The following KATNIP variants were observed in gnomAD, a reference collection of about 807,000 sequenced individuals.
The protein encoded by KATNIP is katanin interacting protein, also known as katanin-interacting protein.
Under a neutral mutation model 174.0 loss-of-function variants are expected in KATNIP, and 126 were observed. The ratio of observed to expected loss-of-function variants is 0.72; its 90% CI spans 0.63 to 0.84. KATNIP has a LOEUF of 0.84. Among genes scored for constraint, KATNIP ranks in the 40% least tolerant of loss-of-function variants. The pLI, the probability that KATNIP is intolerant of heterozygous loss-of-function variation, is 0.00. For missense variants in KATNIP, 1,958 were observed against 2,109.7 expected, an observed-to-expected ratio of 0.93 and a Z score of 1.41; for synonymous variants, 810 against 835.7, an observed-to-expected ratio of 0.97 and a Z score of 0.53.
intron 14 of KATNIP, among the ~76,000 whole-genome samples, chr16:27,723,362 C>T (rs1028677439): frequency 5.3e-5 from 8 of 151,958 alleles, no homozygotes; most frequent in African/African-American, 1.9e-4. Context: ...TAGCAGTGAT[C>T]CCTTTATCCC....
intron 5 of KATNIP, among the ~76,000 whole-genome samples, chr16:27,636,582 G>A (rs1365434173): frequency 6.6e-6 from 1 of 151,422 alleles, no homozygotes; most frequent in Non-Finnish European, 1.5e-5. Context: ...TCTCTGAGCT[G>A]TGTGCCCTGG....
intron 5 of KATNIP, among the ~76,000 whole-genome samples, chr16:27,647,446 A>G (rs756467750): frequency 2.0e-5 from 3 of 151,492 alleles, no homozygotes; most frequent in Non-Finnish European, 2.9e-5. Context: ...GGCTCAAGCA[A>G]TCCCCCCACC....
chr16:27,763,619 C>CAAAAAA (rs565418198), intron 19 of KATNIP, among the ~76,000 whole-genome samples: 16 of 50,564 alleles, frequency 3.2e-4, no homozygotes, highest in East Asian at 6.4e-4. Context: ...TGTCTCAACA[C>CAAAAAA]AAAAAAAAAA....
In KATNIP at chr16:27,720,525, C is replaced by T. The variant is rs1372818208; in HGVS notation, c.1606-1033C>T. ...TTTTTTTTTTTTTTTTGGCATCTTC[C>T]ATGTGCCAAGGAACTATGCTAAAAG... On this transcript the variant is annotated intron_variant, in intron 13 of 27. Coordinates refer to ENST00000261588, the MANE Select transcript of KATNIP (RefSeq NM_015202.5). Among the ~76,000 whole-genome samples, 5 of 136,500 alleles carry T rather than the reference C, an allele frequency of 3.7e-5. No homozygotes were observed. In the South Asian group the frequency reaches 6.7e-4, roughly 18 times the overall value. 89.5% of individuals were successfully genotyped at this position (136,500 alleles called of 152,430 possible). A position where few individuals can be genotyped will look rare whatever the true frequency, so the allele number is the denominator to read the frequency against.
intron 13 of KATNIP, among the ~76,000 whole-genome samples, chr16:27,720,041 C>A (rs1257172245): frequency 6.6e-6 from 1 of 152,138 alleles, no homozygotes; most frequent in Non-Finnish European, 1.5e-5. Flanking sequence ...TTGTTGTTTA[C>A]ACTGGATGAA....
At chr16:27,594,191 C>T (rs186051205) in intron 2 of KATNIP, among the ~76,000 whole-genome samples, 2 of 152,058 alleles carry the variant, frequency 1.3e-5, no homozygotes, top group East Asian at 3.9e-4. Context: ...GCCCAGGAAG[C>T]CAAGTCTGCA....
At chr16:27,668,260 T>C (rs1252627809) in intron 6 of KATNIP, among the ~76,000 whole-genome samples, 1 of 152,210 alleles carries the variant, frequency 6.6e-6, no homozygotes, top group Admixed American at 6.5e-5. Context: ...AATCTCATCT[T>C]GAATTGTAAC....
intron 8 of KATNIP, among the ~76,000 whole-genome samples, chr16:27,692,580 C>A (rs1420125226): frequency 1.3e-5 from 2 of 152,134 alleles, no homozygotes; most frequent in Non-Finnish European, 2.9e-5. Context: ...CTGAGCTTGA[C>A]CTACCAGGGC....
chr16:27,732,155 C>A (rs1398687424), intron 14 of KATNIP, among the ~76,000 whole-genome samples: 2 of 152,178 alleles, frequency 1.3e-5, no homozygotes, highest in Non-Finnish European at 2.9e-5. Context: ...AGCCAGAGGA[C>A]CACCAGTGTG....
At chr16:27,692,326 T>C (rs1212042920) in intron 8 of KATNIP, among the ~76,000 whole-genome samples, 2 of 152,222 alleles carry the variant, frequency 1.3e-5, no homozygotes, top group Admixed American at 1.3e-4. Context: ...GAGAGAACCA[T>C]GTGGTTGGGT....
chr16:27,662,273 C>T (rs2077553945), intron 6 of KATNIP, among the ~76,000 whole-genome samples: 1 of 151,384 alleles, frequency 6.6e-6, no homozygotes, highest in Non-Finnish European at 1.5e-5. Context: ...AATATACCTG[C>T]TGGCCAGATG....
intron 2 of KATNIP, among the ~76,000 whole-genome samples, chr16:27,599,450 C>T (rs918711202): frequency 1.3e-5 from 2 of 152,128 alleles, no homozygotes; most frequent in Non-Finnish European, 2.9e-5. Context: ...TGCATTCATG[C>T]GCCAGGCCAC....
In KATNIP at chr16:27,740,270, G is replaced by T; in HGVS notation, c.1973G>T (p.Gly658Val). The change falls in exon 15 of 28, where the codon GGT (glycine) becomes GTT (valine). Residue 658 changes from glycine (G) to valine (V), a missense_variant. Gly to Val is a moderately radical substitution (Grantham distance 109, BLOSUM62 -3). Around this residue, in one of 3 missense-constraint regions of KATNIP, gnomAD observed 1,557 missense variants for 1,617.8 expected, o/e 0.96. Coordinates refer to ENST00000261588, the MANE Select transcript of KATNIP (RefSeq NM_015202.5). ...AGCGGGGACAAGGAGCTTGGTCTCG[G>T]TTGCTCACCGCCAGCTGAAACATTA... ...GASGDKELGL[G>V]CSPPAETLAD... The T allele has an allele frequency of 6.2e-7, 1 of 1,614,268 alleles. No individual in the cohort carries two copies. Among genetic ancestry groups the T allele is most frequent in the East Asian group, 2.2e-5 (1 of 44,886 alleles).
chr16:27,622,905 G>A (rs1392653031), intron 3 of KATNIP, among the ~76,000 whole-genome samples: 1 of 152,182 alleles, frequency 6.6e-6, no homozygotes. Context: ...ACTTGCTCAA[G>A]GTCATGCAAG....
In KATNIP at chr16:27,773,210, GT is replaced by G; in HGVS notation, c.4309+2del. The stretch of plus-strand genomic sequence containing the variant: ...GAAAAAATCCCCTTGTCGGAAAACA[GT>G]ATCCTTTGTAGGACAGGAGTGGGCT... On this transcript the variant is annotated splice_donor_variant, in intron 23 of 27. Coordinates refer to ENST00000261588, the MANE Select transcript of KATNIP (RefSeq NM_015202.5). LOFTEE classifies it high-confidence loss of function. 1 of 1,596,288 alleles carries G rather than the reference GT, an allele frequency of 6.3e-7. No homozygotes were observed. The highest frequency in any genetic ancestry group is 2.2e-5 in the East Asian group (1 of 44,736).
At chr16:27,681,351 A>C (rs780253106) in intron 7 of KATNIP, 48 bp from the exon 8 acceptor site, 2 of 1,610,104 alleles carry the variant, frequency 1.2e-6, no homozygotes, top group Non-Finnish European at 1.7e-6. Context: ...CAGAATGCCC[A>C]ACTTGCTTGC....
chr16:27,615,097 C>T (rs1318290996), intron 2 of KATNIP, among the ~76,000 whole-genome samples: 1 of 152,094 alleles, frequency 6.6e-6, no homozygotes, highest in East Asian at 1.9e-4. Flanking sequence ...GTGGCTCATT[C>T]AGCACTGCAG....
intron 1 of KATNIP, among the ~76,000 whole-genome samples, chr16:27,557,135 G>T (rs2089661932): frequency 6.6e-6 from 1 of 150,884 alleles, no homozygotes; most frequent in African/African-American, 2.4e-5. Context: ...ATTTTTCTGT[G>T]AAGTTGATTT....
intron 2 of KATNIP, among the ~76,000 whole-genome samples, chr16:27,574,558 C>CTTTTTTTTTTTTTTTTTTTTTTTTTTTTT (rs10708223): frequency 1.9e-5 from 1 of 53,486 alleles, no homozygotes. Context: ...ACTTTCTATT[C>CTTTTTTTTTTTTTTTTTTTTTTTTTTTTT]TTTTTTTTTT....
Sources: allele counts gnomAD v4.1 joint callset (sites outside exome capture counted in the v4.1 genomes callset), GRCh38; gene constraint gnomAD v4.1.1; regional missense constraint gnomAD v4.1.1; transcripts MANE v1.5; gene names NCBI Gene and HGNC (gene_info 2026-07-23, HGNC 2026-07-21).